Variants in PCDHGB5 observed in about 807,000 individuals in gnomAD.
PCDHGB5 encodes the protein protocadherin gamma-B5.
A neutral mutation model predicts 62.9 loss-of-function variants in PCDHGB5; 48 were observed. The observed-to-expected ratio is 0.76, with a 90% CI of 0.61 to 0.97. The LOEUF (loss-of-function observed/expected upper bound fraction) is 0.97. Among genes scored for constraint, PCDHGB5 ranks in the 50% least tolerant of loss-of-function variants. The pLI is 0.00. For synonymous variants in PCDHGB5, 474 were observed against 511.2 expected, an observed-to-expected ratio of 0.93 and a Z score of 0.98; for missense variants, 1,118 against 1,198.6, an observed-to-expected ratio of 0.93 and a Z score of 0.99.
Position 141,449,530 on chromosome 5 carries a change from A to G in PCDHGB5, c.2398-45277A>G, listed in dbSNP as rs2098641850. On this transcript the variant is annotated intron_variant, in intron 1 of 3. Transcript: ENST00000617380. ...CTTGAACCTGGGAGGCGGAGGTTGC[A>G]GTGAGCCGAGATCGCACCACTGCAC... Among the ~76,000 whole-genome samples, 4 of 149,684 alleles carry G rather than the reference A, an allele frequency of 2.7e-5. No individual in the cohort carries two copies. The South Asian group carries it at 8.5e-4, about 32-fold the overall frequency.
intron 1 of PCDHGB5, among the ~76,000 whole-genome samples, chr5:141,484,797 G>C (rs1228143036): frequency 6.6e-6 from 1 of 152,064 alleles, no homozygotes; most frequent in Non-Finnish European, 1.5e-5. Flanking sequence ...ATAACAACCC[G>C]TGGAAAAACA....
chr5:141,410,435 G>A (rs772158163), intron 1 of PCDHGB5: 1 of 1,614,054 alleles, frequency 6.2e-7, no homozygotes, highest in Non-Finnish European at 8.5e-7. Context: ...CAACTACAGT[G>A]AGGGGACTTT....
chr5:141,431,699 T>C lies in PCDHGB5; in HGVS notation c.2397+31175T>C. ...GGAGTTGGACCACGAGGAGTCAGGA[T>C]TCTACCAGATGGAAGTGCAAGCAAT... is the stretch of plus-strand genomic sequence containing the variant. On this transcript the variant is annotated intron_variant, in intron 1 of 3. Coordinates refer to ENST00000617380, the MANE Select transcript of PCDHGB5 (RefSeq NM_018925.3). The surrounding 1 kb of genome is among the most constrained non-coding windows in gnomAD (Gnocchi z 4.8). 6.2e-7 allele frequency: 1 copy of C among 1,614,222 alleles called. No individual in the cohort carries two copies. Among genetic ancestry groups the C allele is most frequent in the South Asian group, 1.1e-5 (1 of 91,074 alleles).
intron 1 of PCDHGB5, among the ~76,000 whole-genome samples, chr5:141,455,201 CAATAAGAGTTTTT>C (rs1373301624): frequency 6.6e-6 from 1 of 151,722 alleles, no homozygotes; most frequent in Non-Finnish European, 1.5e-5. Flanking sequence ...AATTTACAAC[CAATAAGAGTTTTT>C]AATGCTTTGA....
At chr5:141,451,954 G>A (rs2098729151) in intron 1 of PCDHGB5, among the ~76,000 whole-genome samples, 1 of 152,084 alleles carries the variant, frequency 6.6e-6, no homozygotes, top group Non-Finnish European at 1.5e-5. Flanking sequence ...CCGAGAAAGT[G>A]ACATACCATC....
Position 141,477,952 on chromosome 5 carries a change from A to C in PCDHGB5, c.2398-16855A>C, listed in dbSNP as rs907708638. The C allele has an allele frequency of 1.2e-6, 2 of 1,614,038 alleles. No individual in the cohort carries two copies. Among genetic ancestry groups the C allele is most frequent in the Non-Finnish European group, 1.7e-6 (2 of 1,180,002 alleles). Reference sequence around the variant, plus strand: ...CCTGGCTCTCCTACAGTCTCTTGGGATCCCCTAACCAGAGCCTTTTTGCCA... The same window carrying C: ...CCTGGCTCTCCTACAGTCTCTTGGGCTCCCCTAACCAGAGCCTTTTTGCCA... On this transcript the variant is annotated intron_variant, in intron 1 of 3. Coordinates refer to ENST00000617380, the MANE Select transcript of PCDHGB5 (RefSeq NM_018925.3). This position sits in a 1 kb window ranked among gnomAD's most constrained non-coding sequence, Gnocchi z 4.9.
intron 1 of PCDHGB5, chr5:141,414,330 G>T: frequency 6.2e-7 from 1 of 1,613,714 alleles, no homozygotes; most frequent in Non-Finnish European, 8.5e-7. Flanking sequence ...AGAATGGACA[G>T]GTAACCTGTT....
At position 141,477,160 on chromosome 5, in the gene PCDHGB5, C is replaced by G. The variant is rs768436526; in HGVS notation, c.2398-17647C>G. 2 of 1,614,186 alleles carry G rather than the reference C, an allele frequency of 1.2e-6. No homozygotes were observed. Among genetic ancestry groups the G allele is most frequent in the Admixed American group, 1.7e-5 (1 of 60,020 alleles). On this transcript the variant is annotated intron_variant, in intron 1 of 3. Transcript: ENST00000617380. The surrounding 1 kb of genome is among the most constrained non-coding windows in gnomAD (Gnocchi z 4.9). ...TGGAGGTTGTGGATGTGAATGACAA[C>G]GCCCCGGAGATCACAGTCACCTCCG...
At chr5:141,414,287 C>A (rs374229359) in intron 1 of PCDHGB5, 4 of 1,613,316 alleles carry the variant, frequency 2.5e-6, no homozygotes, top group Non-Finnish European at 3.4e-6. Flanking sequence ...ACAGTCGTAG[C>A]CCTTTTAAAT....
chr5:141,477,644 T>A lies in PCDHGB5; in HGVS notation c.2398-17163T>A. On this transcript the variant is annotated intron_variant, in intron 1 of 3. Coordinates refer to ENST00000617380, the MANE Select transcript of PCDHGB5 (RefSeq NM_018925.3). The surrounding 1 kb of genome is among the most constrained non-coding windows in gnomAD (Gnocchi z 4.9). ...TGAAACCGGGCTAGTGGGTCGCTAT[T>A]TCACAATAAATCGTGACAATGGCAT... The A allele has an allele frequency of 6.2e-7, 1 of 1,614,200 alleles. No homozygotes were observed. Among genetic ancestry groups the A allele is most frequent in the Non-Finnish European group, 8.5e-7 (1 of 1,180,036 alleles).
intron 1 of PCDHGB5, among the ~76,000 whole-genome samples, chr5:141,463,632 T>C (rs2099065676): frequency 6.6e-6 from 1 of 151,822 alleles, no homozygotes; most frequent in Admixed American, 6.6e-5. Flanking sequence ...GTATTTTGTT[T>C]AGTAGAGACG....
Position 141,487,367 on chromosome 5 carries a change from G to A in PCDHGB5, c.2398-7440G>A. 1 of 1,614,204 alleles carries A rather than the reference G, an allele frequency of 6.2e-7. No individual in the cohort carries two copies. The highest frequency in any genetic ancestry group is 8.5e-7 in the Non-Finnish European group (1 of 1,180,030). ...CACATGCTTTCCTGCTGGCACCTGT[G>A]CCTGTCTCACCAGATCTCGAAGGAG... On this transcript the variant is annotated intron_variant, in intron 1 of 3. Coordinates refer to ENST00000617380, the MANE Select transcript of PCDHGB5 (RefSeq NM_018925.3). This position sits in a 1 kb window ranked among gnomAD's most constrained non-coding sequence, Gnocchi z 5.0.
At chr5:141,433,040 A>G in intron 1 of PCDHGB5, 1 of 1,614,086 alleles carries the variant, frequency 6.2e-7, no homozygotes, top group Non-Finnish European at 8.5e-7. Flanking sequence ...TTCCCTCACC[A>G]CGGACTCGCG....
chr5:141,460,505 A>T (rs1430823912), intron 1 of PCDHGB5, among the ~76,000 whole-genome samples: 1 of 152,150 alleles, frequency 6.6e-6, no homozygotes, highest in Non-Finnish European at 1.5e-5. Context: ...ATATGCTGAG[A>T]AGGCTATCTT....
In PCDHGB5 at chr5:141,400,007, C is replaced by T. The variant is rs907315450; in HGVS notation, c.1880C>T (p.Ala627Val). 30 of 1,612,624 alleles carry T rather than the reference C, an allele frequency of 1.9e-5. No individual in the cohort carries two copies. Among genetic ancestry groups the T allele is most frequent in the Non-Finnish European group, 2.5e-5 (29 of 1,179,648 alleles). The change falls in exon 1 of 4, where the codon GCC becomes GTC. Residue 627 changes from alanine to valine, a missense_variant. Physicochemically the swap from Ala to Val is moderately conservative, Grantham distance 64 (BLOSUM62 0). Coordinates refer to ENST00000617380, the MANE Select transcript of PCDHGB5 (RefSeq NM_018925.3). The stretch of plus-strand genomic sequence containing the variant: ...ACAGGAGAGGTGCGCACAGCGCGTG[C>T]CTTGGGCGACAGGGACGCGGCCCGC... ...LRTGEVRTARALGDRDAARQR... is the reference protein window; with the variant it reads ...LRTGEVRTARVLGDRDAARQR...
intron 1 of PCDHGB5, among the ~76,000 whole-genome samples, chr5:141,481,695 T>A (rs2099542216): frequency 1.3e-5 from 2 of 152,122 alleles, no homozygotes; most frequent in Non-Finnish European, 2.9e-5. Context: ...GGCTCACGCC[T>A]GTAATCCCAG....
Position 141,511,378 on chromosome 5 carries a change from T to C in PCDHGB5, c.*205T>C. 1 of 1,202,114 alleles carries C rather than the reference T, an allele frequency of 8.3e-7. No homozygotes were observed. The highest frequency in any genetic ancestry group is 1.1e-6 in the Non-Finnish European group (1 of 882,194). The allele number at this position is 1,202,114 out of a possible 1,614,324, so 74.5% of individuals were successfully genotyped here. A position where few individuals can be genotyped will look rare whatever the true frequency, so the allele number is the denominator to read the frequency against. On this transcript the variant is annotated 3_prime_UTR_variant, in exon 4 of 4. Coordinates refer to ENST00000617380, the MANE Select transcript of PCDHGB5 (RefSeq NM_018925.3). ...AGGGGGTTGAATATGCAAAAGCAGT[T>C]CCGCTGGGAACCCCCATCCAATCAA...
rs951502238 is a variant in PCDHGB5 at position 141,478,263 on chromosome 5, A to G, written c.2398-16544A>G. ...ACAGTGTTCGGAGTAATCATATTCA[A>G]AGTTTACAAGTGGAAGCAGTCTAGA... On this transcript the variant is annotated intron_variant, in intron 1 of 3. Coordinates refer to ENST00000617380, the MANE Select transcript of PCDHGB5 (RefSeq NM_018925.3). The G allele has an allele frequency of 2.5e-6, 4 of 1,614,046 alleles. No individual in the cohort carries two copies. The African/African-American group carries it at 5.3e-5, about 22-fold the overall frequency.
rs762770481 is a variant in PCDHGB5, at chr5:141,432,320, G to GACT, written c.2397+31799_2397+31801dup. On this transcript the variant is annotated intron_variant, in intron 1 of 3. Coordinates refer to ENST00000617380, the MANE Select transcript of PCDHGB5 (RefSeq NM_018925.3). This position sits in a 1 kb window ranked among gnomAD's most constrained non-coding sequence, Gnocchi z 6.0. ...GGTACTGTATGCGCTGAGCTCCTTC[G>GACT]ACTACGAGCAGTTCCGAGACTTGCA... is the stretch of plus-strand genomic sequence containing the variant. The GACT allele has an allele frequency of 2.6e-5, 42 of 1,614,238 alleles. No individual in the cohort carries two copies. The highest frequency in any genetic ancestry group is 3.6e-5 in the Non-Finnish European group (42 of 1,180,038).
Sources: allele counts gnomAD v4.1 joint callset (sites outside exome capture counted in the v4.1 genomes callset), GRCh38; gene constraint gnomAD v4.1.1; non-coding constraint Gnocchi (gnomAD v3.1); transcripts MANE v1.5; gene names NCBI Gene and HGNC (gene_info 2026-07-23, HGNC 2026-07-21).